TTN: variants seen among roughly 807,000 people sequenced by gnomAD.
The protein encoded by TTN is connectin.
TTN carries 1,525 observed loss-of-function variants against 3,223.0 expected under a neutral mutation model. The observed-to-expected ratio is 0.47, with a 90% CI of 0.45 to 0.49. The LOEUF is 0.49. Among genes scored for constraint, TTN ranks in the 20% least tolerant of loss-of-function variants. The pLI is 0.00. For missense variants in TTN, 40,786 were observed against 43,424.0 expected (o/e 0.94, Z 5.40); for synonymous variants, 14,094 against 15,161.0 (o/e 0.93, Z 5.17).
intron 43 of TTN, among the ~76,000 whole-genome samples, chr2:178,761,813 A>G (rs796829540): frequency 1.6e-4 from 25 of 152,350 alleles, no homozygotes; most frequent in African/African-American, 6.0e-4. Context: ...GCTTAAATGA[A>G]TAACAGACAA....
rs369965589 is a variant in TTN at position 178,637,353 on chromosome 2, G to A, written c.40927+16C>T. 1.2e-3 allele frequency: 1,679 copies of A among 1,452,090 alleles called. 1 individual carries two copies. Among genetic ancestry groups the A allele is most frequent in the Non-Finnish European group, 1.4e-3 (1,554 of 1,103,570 alleles). 90.0% of individuals were successfully genotyped at this position (1,452,090 alleles called of 1,614,324 possible). A position where few individuals can be genotyped will look rare whatever the true frequency, so the allele number is the denominator to read the frequency against. ...GTGGAAGGTTACAATGCAAGTACTA[G>A]AAAAATGAATTTCACCTTTGATAGG... is the stretch of plus-strand genomic sequence containing the variant. On this transcript the variant is annotated intron_variant, in intron 224 of 362. Coordinates refer to ENST00000589042, the MANE Select transcript of TTN (RefSeq NM_001267550.2).
chr2:178,776,246 T>C lies in TTN; in HGVS notation c.5618A>G (p.Asn1873Ser), dbSNP rs762273184. The C allele has an allele frequency of 6.2e-7, 1 of 1,614,086 alleles. No homozygotes were observed. Among genetic ancestry groups the C allele is most frequent in the Non-Finnish European group, 8.5e-7 (1 of 1,180,016 alleles). The change falls in exon 28 of 363, where the codon AAC (asparagine) becomes AGC (serine). Residue 1873 changes from asparagine (N) to serine (S), a missense_variant. Physicochemically the swap from Asn to Ser is conservative, Grantham distance 46. Coordinates refer to ENST00000589042, the MANE Select transcript of TTN (RefSeq NM_001267550.2). The stretch of plus-strand genomic sequence containing the variant: ...GATGAGCTGTCCATTGAGGTACCAG[T>C]TGACTTTGGGCTGAGGGTAGCCTGT... ...RVTGYPQPKV[N>S]WYLNGQLIRK...
At chr2:178,770,731 G>A in intron 34 of TTN, 56 bp from the exon 35 acceptor site, 1 of 1,585,156 alleles carries the variant, frequency 6.3e-7, no homozygotes, top group Non-Finnish European at 8.6e-7. Flanking sequence ...TCAAGGAAAA[G>A]AAGTCCTGAA....
At position 178,756,500 on chromosome 2, in the gene TTN, G is replaced by A. The variant is rs745878715; in HGVS notation, c.10976C>T (p.Ala3659Val). The change falls in exon 46 of 363, where the codon GCG becomes GTG. Residue 3659 changes from alanine (A) to valine (V), a missense_variant. Coordinates refer to ENST00000589042, the MANE Select transcript of TTN (RefSeq NM_001267550.2). ...KECAKESTGE[A>V]PKIFLHLQDV... ...CTGAAGATGCAGGAAAATCTTGGGCGCCTCACCCGTGGACTCTTTAGCACA... is the reference window on the plus strand; with the variant it reads ...CTGAAGATGCAGGAAAATCTTGGGCACCTCACCCGTGGACTCTTTAGCACA... 9.3e-6 allele frequency: 15 copies of A among 1,613,626 alleles called. No homozygotes were observed. Among genetic ancestry groups the A allele is most frequent in the African/African-American group, 2.7e-5 (2 of 74,908 alleles).
chr2:178,715,177 G>T lies in TTN; in HGVS notation c.26009C>A (p.Pro8670His), dbSNP rs770195041. 2 of 1,613,582 alleles carry T rather than the reference G, an allele frequency of 1.2e-6. No individual in the cohort carries two copies. Among genetic ancestry groups the T allele is most frequent in the African/African-American group, 2.7e-5 (2 of 74,866 alleles). ...TTTATACCAAGAAACGTGAAATGGG[G>T]GAGTGCCCTGAAGCTCACATTCAAG... is the stretch of plus-strand genomic sequence containing the variant. Reference protein sequence around the residue: ...VHLECELQGTPPFHVSWYKDK... With the variant: ...VHLECELQGTHPFHVSWYKDK... The change falls in exon 90 of 363, where the codon CCC becomes CAC. Residue 8670 changes from proline to histidine, a missense_variant. Physicochemically the swap from Pro to His is moderately conservative, Grantham distance 77. Transcript: ENST00000589042.
chr2:178,707,748 C>A lies in TTN; in HGVS notation c.28819G>T (p.Val9607Leu). ...TPVTVSEGEY[V>L]QLSCHVQGSE... Reference sequence around the variant, plus strand: ...CCCTGGACATGGCAGCTGAGCTGCACGTATTCTCCTTCACTCACTGTTACT... The same window carrying A: ...CCCTGGACATGGCAGCTGAGCTGCAAGTATTCTCCTTCACTCACTGTTACT... Residue 9607 changes from valine (V) to leucine (L), a missense_variant, in exon 100 of 363, where the codon GTG (valine) becomes TTG (leucine). By Grantham distance (32) the Val-to-Leu change is conservative. Coordinates refer to ENST00000589042, the MANE Select transcript of TTN (RefSeq NM_001267550.2). The A allele has an allele frequency of 6.2e-7, 1 of 1,613,872 alleles. No individual in the cohort carries two copies. Among genetic ancestry groups the A allele is most frequent in the Non-Finnish European group, 8.5e-7 (1 of 1,179,810 alleles).
In TTN at chr2:178,546,876, C is replaced by G; in HGVS notation, c.94552G>C (p.Val31518Leu). 1 of 1,594,354 alleles carries G rather than the reference C, an allele frequency of 6.3e-7. No homozygotes were observed. The highest frequency in any genetic ancestry group is 8.6e-7 in the Non-Finnish European group (1 of 1,166,952). Residue 31518 changes from valine (V) to leucine (L), a missense_variant, in exon 341 of 363, where the codon GTC becomes CTC. Transcript: ENST00000589042. ...ATCAGTGATACTGTTGATCTTGTGACATCTGTCACCTCTGGTCTGCCTGGT... is the reference window on the plus strand; with the variant it reads ...ATCAGTGATACTGTTGATCTTGTGAGATCTGTCACCTCTGGTCTGCCTGGT... ...DAPGRPEVTD[V>L]TRSTVSLIWS...
Position 178,560,814 on chromosome 2 carries a change from AC to A in TTN, c.85317del (p.Ser28440LeufsTer21). The A allele has an allele frequency of 6.2e-7, 1 of 1,613,732 alleles. No individual in the cohort carries two copies. Among genetic ancestry groups the A allele is most frequent in the Non-Finnish European group, 8.5e-7 (1 of 1,179,794 alleles). ...AGTACTTTGCAATTAACGGCCACAG[AC>A]CGAGTGCCGGCAACATTCTTCAGTG... ...VLTLKNVAGT[R>X]SVAVNCKVLD... On this transcript the variant is annotated frameshift_variant, in exon 326 of 363. Transcript: ENST00000589042. LOFTEE classifies it high-confidence loss of function.
rs1224421468 is a variant in TTN at position 178,554,951 on chromosome 2, G to A, written c.88508C>T (p.Ala29503Val). 6.2e-7 allele frequency: 1 copy of A among 1,613,632 alleles called. No homozygotes were observed. Among genetic ancestry groups the A allele is most frequent in the African/African-American group, 1.3e-5 (1 of 74,916 alleles). The change falls in exon 331 of 363, where the codon GCC becomes GTC. Residue 29503 changes from alanine to valine, a missense_variant. Coordinates refer to ENST00000589042, the MANE Select transcript of TTN (RefSeq NM_001267550.2). ...TDLASILIKD[A>V]DRLNSGCYEL... ...ATAGCATCCACTATTAAGGCGATCG[G>A]CATCTTTGATGAGTATAGATGCGAG...
In TTN at chr2:178,563,345, T is replaced by C; in HGVS notation, c.82787A>G (p.Tyr27596Cys). Residue 27596 changes from tyrosine (Y) to cysteine (C), a missense_variant, in exon 326 of 363, where the codon TAT (tyrosine) becomes TGT (cysteine). Transcript: ENST00000589042. The surrounding 1 kb of genome is among the most constrained non-coding windows in gnomAD (Gnocchi z 4.5). ...SVSLAWSKPI[Y>C]DGGAPVKGYV... ...GCCTTTAACAGGTGCGCCACCATCATAAATTGGCTTACTCCATGCCAGGGA... is the reference window on the plus strand; with the variant it reads ...GCCTTTAACAGGTGCGCCACCATCACAAATTGGCTTACTCCATGCCAGGGA... The C allele has an allele frequency of 6.2e-7, 1 of 1,613,610 alleles. No homozygotes were observed. Among genetic ancestry groups the C allele is most frequent in the Non-Finnish European group, 8.5e-7 (1 of 1,179,716 alleles).
rs1214280183 is a variant in TTN, at chr2:178,719,456, G to A, written c.23939-5C>T. The A allele has an allele frequency of 8.7e-6, 14 of 1,606,922 alleles. No individual in the cohort carries two copies. Among genetic ancestry groups the A allele is most frequent in the Non-Finnish European group, 1.1e-5 (13 of 1,175,408 alleles). On this transcript the variant is annotated splice_polypyrimidine_tract_variant and splice_region_variant and intron_variant, in intron 82 of 362. Coordinates refer to ENST00000589042, the MANE Select transcript of TTN (RefSeq NM_001267550.2). Reference sequence around the variant, plus strand: ...AGGAAGGAGGCACAATCCGATCTATGTGGGGAAGGGTAGTTTTGCGTTTAA... The same window carrying A: ...AGGAAGGAGGCACAATCCGATCTATATGGGGAAGGGTAGTTTTGCGTTTAA...
Position 178,547,750 on chromosome 2 carries a change from A to AT in TTN, c.93875dup (p.Asn31292LysfsTer6). The AT allele has an allele frequency of 6.2e-7, 1 of 1,613,832 alleles. No individual in the cohort carries two copies. Among genetic ancestry groups the AT allele is most frequent in the Non-Finnish European group, 8.5e-7 (1 of 1,179,830 alleles). Reference sequence around the variant, plus strand: ...CGCTAAATGTTTTAACACCAGCTGTATTTTCCAGGGTCAAGAAGTATCTTC... The same window carrying AT: ...CGCTAAATGTTTTAACACCAGCTGTATTTTTCCAGGGTCAAGAAGTATCTTC... On this transcript the variant is annotated frameshift_variant, in exon 339 of 363. Transcript: ENST00000589042. LOFTEE classifies it high-confidence loss of function.
chr2:178,667,373 A>G, intron 161 of TTN, 54 bp from the exon 162 acceptor site: 1 of 1,570,536 alleles, frequency 6.4e-7, no homozygotes, highest in Non-Finnish European at 8.7e-7. Context: ...AGTAAATTAT[A>G]AAAAGCATGC....
intron 10 of TTN, among the ~76,000 whole-genome samples, chr2:178,791,345 A>G (rs1308118020): frequency 6.6e-6 from 1 of 152,212 alleles, no homozygotes; most frequent in African/African-American, 2.4e-5. Context: ...TAGCTCTAAG[A>G]TCAGCAAAGA....
intron 13 of TTN, among the ~76,000 whole-genome samples, chr2:178,788,041 T>G (rs1320760092): frequency 6.6e-6 from 1 of 152,104 alleles, no homozygotes; most frequent in Non-Finnish European, 1.5e-5. Context: ...ATGGACTGAA[T>G]CTAACCATCT....
In TTN at chr2:178,590,622, G is replaced by A; in HGVS notation, c.61103C>T (p.Pro20368Leu). Residue 20368 changes from proline (P) to leucine (L), a missense_variant, in exon 304 of 363, where the codon CCC (proline) becomes CTC (leucine). Coordinates refer to ENST00000589042, the MANE Select transcript of TTN (RefSeq NM_001267550.2). ...PSSDPIKACR[P>L]IKPPGPPINP... ...AATAGGTGGTCCAGGTGGTTTGATGGGCCGGCAAGCTTTTATTGGATCAGA... is the reference window on the plus strand; with the variant it reads ...AATAGGTGGTCCAGGTGGTTTGATGAGCCGGCAAGCTTTTATTGGATCAGA... 1 of 1,612,876 alleles carries A rather than the reference G, an allele frequency of 6.2e-7. No homozygotes were observed. The highest frequency in any genetic ancestry group is 8.5e-7 in the Non-Finnish European group (1 of 1,179,324).
In TTN at chr2:178,612,593, G is replaced by A. The variant is rs749706767; in HGVS notation, c.49949-17C>T. 6.3e-7 allele frequency: 1 copy of A among 1,579,862 alleles called. No homozygotes were observed. Among genetic ancestry groups the A allele is most frequent in the Non-Finnish European group, 8.5e-7 (1 of 1,172,580 alleles). On this transcript the variant is annotated splice_polypyrimidine_tract_variant and intron_variant, in intron 265 of 362. Coordinates refer to ENST00000589042, the MANE Select transcript of TTN (RefSeq NM_001267550.2). ...ATGGAGGATCTGAAAAAGAAGGAAGGAAAACAAATTCATTTTTTTTTTTAT... is the reference window on the plus strand; with the variant it reads ...ATGGAGGATCTGAAAAAGAAGGAAGAAAAACAAATTCATTTTTTTTTTTAT...
In TTN at chr2:178,607,927, T is replaced by G. The variant is rs397517611; in HGVS notation, c.52860A>C (p.Thr17620=). The G allele has an allele frequency of 2.5e-6, 4 of 1,613,066 alleles. No individual in the cohort carries two copies. The highest frequency in any genetic ancestry group is 3.4e-6 in the Non-Finnish European group (4 of 1,179,318). ...ACTGACGGACCTTGATCATCTTCTC[T>G]GTGCAGCGTGACCATTCATTTGTGC... ...LVGTNEWSRC[T]EKMIKVRQYT... is the part of the protein sequence containing the mutation. The change falls in exon 276 of 363, where the codon ACA becomes ACC. Residue 17620 remains threonine, a synonymous_variant. Transcript: ENST00000589042.
Position 178,736,976 on chromosome 2 carries a change from G to C in TTN, c.14372-902C>G, listed in dbSNP as rs907158337. Among the ~76,000 whole-genome samples the C allele has an allele frequency of 2.0e-5, 3 of 152,202 alleles. No homozygotes were observed. In the Middle Eastern group the frequency reaches 0.01, roughly 518 times the overall value. On this transcript the variant is annotated intron_variant, in intron 49 of 362. Transcript: ENST00000589042. ...CCTTGATATTCTCATTGACAAAGAA[G>C]ACCAAGGGACAGCCTTCCCCAACAG... is the stretch of plus-strand genomic sequence containing the variant.
Sources: allele counts gnomAD v4.1 joint callset (sites outside exome capture counted in the v4.1 genomes callset), GRCh38; gene constraint gnomAD v4.1.1; non-coding constraint Gnocchi (gnomAD v3.1); transcripts MANE v1.5; gene names NCBI Gene and HGNC (gene_info 2026-07-23, HGNC 2026-07-21).